The following CACNA1E variants were observed in gnomAD, a reference collection of about 807,000 sequenced individuals.
CACNA1E encodes calcium voltage-gated channel subunit alpha1 E.
In CACNA1E, 40 loss-of-function variants were observed where a neutral mutation model predicts 259.2. The ratio of observed to expected loss-of-function variants is 0.15; its 90% confidence interval spans 0.12 to 0.20. The LOEUF (loss-of-function observed/expected upper bound fraction) is 0.20. CACNA1E is among the 10% of genes least tolerant of loss of function. The pLI is 1.00. For missense variants in CACNA1E, 1,874 were observed against 3,040.1 expected (o/e 0.62, Z 9.02); for synonymous variants, 1,104 against 1,138.5 (o/e 0.97, Z 0.61).
At chr1:181,794,171 T>A (rs373466373) in intron 45 of CACNA1E, among the ~76,000 whole-genome samples, 32 of 152,364 alleles carry the variant, frequency 2.1e-4, no homozygotes, top group African/African-American at 7.5e-4. Context: ...GGACTGTCTG[T>A]CCTAACCAGT....
At position 181,733,758 on chromosome 1, in the gene CACNA1E, C is replaced by T. The variant is rs773210970; in HGVS notation, c.3262+8C>T. The T allele has an allele frequency of 6.6e-7, 1 of 1,517,768 alleles. No homozygotes were observed. The highest frequency in any genetic ancestry group is 8.9e-7 in the Non-Finnish European group (1 of 1,129,112). 94.0% of individuals were successfully genotyped at this position (1,517,768 alleles called of 1,614,324 possible). ...ACTCAACCGTGGTGCACAGTGAGAG[C>T]ACAGTCCCTGTTCCCCTCCACCCCC... On this transcript the variant is annotated splice_region_variant and intron_variant, in intron 21 of 47. Transcript: ENST00000367573.
chr1:181,431,529 C>T (rs1014655472), intron 2 of CACNA1E, among the ~76,000 whole-genome samples: 5 of 152,176 alleles, frequency 3.3e-5, no homozygotes, highest in African/African-American at 4.8e-5. Context: ...TCCTTCATGA[C>T]CTGGTCCAGG....
intron 2 of CACNA1E, among the ~76,000 whole-genome samples, chr1:181,435,082 C>G (rs933195441): frequency 6.6e-6 from 1 of 152,174 alleles, no homozygotes; most frequent in African/African-American, 2.4e-5. Flanking sequence ...TAAACCCTTC[C>G]TAAAGTCAAA....
chr1:181,563,511 T>G (rs1319417570), intron 3 of CACNA1E, among the ~76,000 whole-genome samples: 6 of 152,154 alleles, frequency 3.9e-5, no homozygotes, highest in African/African-American at 1.4e-4. Flanking sequence ...TTCCTCATAC[T>G]TTGAAAGATC....
intron 6 of CACNA1E, among the ~76,000 whole-genome samples, chr1:181,590,199 G>C (rs528794641): frequency 1.7e-4 from 26 of 152,038 alleles, no homozygotes; most frequent in African/African-American, 6.3e-4. Flanking sequence ...CTCCCAAAGA[G>C]AGGGAAGGAT....
intron 34 of CACNA1E, among the ~76,000 whole-genome samples, chr1:181,764,292 A>C (rs1658840355): frequency 6.6e-6 from 1 of 152,210 alleles, no homozygotes; most frequent in African/African-American, 2.4e-5. Context: ...GGGGGCCTAA[A>C]TGTTGTTCAA....
chr1:181,425,307 T>C (rs561107360), intron 2 of CACNA1E, among the ~76,000 whole-genome samples: 1 of 151,722 alleles, frequency 6.6e-6, no homozygotes, highest in African/African-American at 2.4e-5. Flanking sequence ...TCCAGGGCCT[T>C]CCCCCTCCCT....
intron 6 of CACNA1E, among the ~76,000 whole-genome samples, chr1:181,642,617 C>T (rs1391817535): frequency 6.6e-6 from 1 of 152,246 alleles, no homozygotes; most frequent in Non-Finnish European, 1.5e-5. Flanking sequence ...AATCTCTCAT[C>T]AGCAAGCCCT....
At chr1:181,498,381 C>G (rs1664957204) in intron 1 of CACNA1E, among the ~76,000 whole-genome samples, 1 of 152,212 alleles carries the variant, frequency 6.6e-6, no homozygotes, top group East Asian at 1.9e-4. Flanking sequence ...GTTAGAGAAG[C>G]TGCTAGCGAA....
chr1:181,368,917 AT>A (rs753911108), intron 1 of CACNA1E, among the ~76,000 whole-genome samples: 8 of 152,196 alleles, frequency 5.3e-5, no homozygotes, highest in Admixed American at 1.3e-4. Flanking sequence ...CTCCCTACAT[AT>A]TCTTCAGTAG....
In CACNA1E at chr1:181,557,627, C is replaced by A. The variant is rs114110050; in HGVS notation, c.513-20139C>A. Among the ~76,000 whole-genome samples the A allele has an allele frequency of 9.8e-3, 1,489 of 152,334 alleles. 25 individuals carry two copies. Among genetic ancestry groups the A allele is most frequent in the African/African-American group, 0.033 (1,373 of 41,592 alleles). ...CATCAGGCTGTGGCTGAGCCTCCAA[C>A]TTGCTTTGCTCCCTTGGCCCAGCAT... On this transcript the variant is annotated intron_variant, in intron 3 of 47. Coordinates refer to ENST00000367573, the MANE Select transcript of CACNA1E (RefSeq NM_001205293.3).
At position 181,771,396 on chromosome 1, in the gene CACNA1E, C is replaced by G. The variant is rs369376197; in HGVS notation, c.4973+12C>G. ...ATGCTACTCTTCAGGTACCTGGATGCGTAACTGTCATAGCTGGGGTTCTCC... is the reference window on the plus strand; with the variant it reads ...ATGCTACTCTTCAGGTACCTGGATGGGTAACTGTCATAGCTGGGGTTCTCC... On this transcript the variant is annotated intron_variant, in intron 36 of 47. Coordinates refer to ENST00000367573, the MANE Select transcript of CACNA1E (RefSeq NM_001205293.3). 30 of 1,452,482 alleles carry G rather than the reference C, an allele frequency of 2.1e-5. No individual in the cohort carries two copies. In the African/African-American group the frequency reaches 3.9e-4, roughly 19 times the overall value. 90.0% of individuals were successfully genotyped at this position (1,452,482 alleles called of 1,614,324 possible). A position where few individuals can be genotyped will look rare whatever the true frequency, so the allele number is the denominator to read the frequency against.
chr1:181,349,130 T>G (rs1652839002), intron 1 of CACNA1E, among the ~76,000 whole-genome samples: 1 of 152,136 alleles, frequency 6.6e-6, no homozygotes, highest in Admixed American at 6.5e-5. Flanking sequence ...TTGGGTGGGC[T>G]GCTGTTATGG....
intron 18 of CACNA1E, 52 bp from the exon 19 acceptor site, chr1:181,731,123 T>C: frequency 6.9e-7 from 1 of 1,454,632 alleles, no homozygotes; most frequent in Non-Finnish European, 9.6e-7. Context: ...CTGTGGGGCT[T>C]GAGGTTCCTA....
In CACNA1E at chr1:181,758,130, A is replaced by G. The variant is rs1345309191; in HGVS notation, c.4494+19A>G. On this transcript the variant is annotated intron_variant, in intron 31 of 47. Transcript: ENST00000367573. The surrounding 1 kb of genome is among the most constrained non-coding windows in gnomAD (Gnocchi z 4.2). ...GATGAAGGTGAGAGGAGAGAGGCAC[A>G]AGAGCCGACTGAGCCCCAGCGATGG... 6.2e-7 allele frequency: 1 copy of G among 1,610,410 alleles called. No homozygotes were observed. The highest frequency in any genetic ancestry group is 1.3e-5 in the African/African-American group (1 of 74,950).
chr1:181,337,389 T>C (rs1651797567), intron 1 of CACNA1E, among the ~76,000 whole-genome samples: 1 of 152,094 alleles, frequency 6.6e-6, no homozygotes, highest in Non-Finnish European at 1.5e-5. Context: ...GAATCTACCC[T>C]TTTAACAAAA....
intron 1 of CACNA1E, among the ~76,000 whole-genome samples, chr1:181,502,697 T>C (rs1261932602): frequency 2.6e-5 from 4 of 152,102 alleles, no homozygotes; most frequent in African/African-American, 9.7e-5. Context: ...TTGTTCTTTT[T>C]TTGTTTTGTT....
At chr1:181,606,065 G>A (rs1358650058) in intron 6 of CACNA1E, among the ~76,000 whole-genome samples, 3 of 151,938 alleles carry the variant, frequency 2.0e-5, no homozygotes, top group African/African-American at 7.3e-5. Context: ...CTTTCTGGTT[G>A]CTTCTTCTCC....
chr1:181,471,614 A>C (rs188245516), intron 2 of CACNA1E, among the ~76,000 whole-genome samples: 172 of 152,308 alleles, frequency 1.1e-3, no homozygotes, highest in African/African-American at 3.4e-3. Context: ...TTTTCAATTA[A>C]GAAAAAAATG....
Sources: allele counts gnomAD v4.1 joint callset (sites outside exome capture counted in the v4.1 genomes callset), GRCh38; gene constraint gnomAD v4.1.1; non-coding constraint Gnocchi (gnomAD v3.1); transcripts MANE v1.5; gene names NCBI Gene and HGNC (gene_info 2026-07-23, HGNC 2026-07-21).